Variants in BOK observed in about 807,000 individuals in gnomAD.
BOK encodes the protein BCL2 family apoptosis regulator BOK, also known as bcl-2-related ovarian killer protein.
A neutral mutation model predicts 18.3 loss-of-function variants in BOK; 20 were observed. The ratio of observed to expected loss-of-function variants is 1.09; its 90% CI spans 0.77 to 1.59. The LOEUF (loss-of-function observed/expected upper bound fraction) is 1.59. Ranked by LOEUF, BOK falls within the 40% of genes most tolerant of loss-of-function variation. The pLI is 0.00. For missense variants in BOK, 348 were observed against 307.9 expected (o/e 1.13, Z -0.97); for synonymous variants, 173 against 142.4 (o/e 1.21, Z -1.53).
intron 3 of BOK, among the ~76,000 whole-genome samples, chr2:241,565,029 GGAGGGCT>G (rs980141487): frequency 2.2e-4 from 34 of 152,306 alleles, no homozygotes; most frequent in African/African-American, 7.2e-4. Flanking sequence ...TGGGGGCCAG[GGAGGGCT>G]GAGGGGAAGG....
chr2:241,560,325 T>C, intron 2 of BOK: 1 of 965,474 alleles, frequency 1.0e-6, no homozygotes, highest in South Asian at 4.8e-5. Context: ...TCACCACAGC[T>C]GGGCTGTGGC....
At position 241,561,957 on chromosome 2, in the gene BOK, G is replaced by A. The variant is rs1201117210; in HGVS notation, c.221-391G>A. The stretch of plus-strand genomic sequence containing the variant: ...CTTTCTCTGCCCAGCCCCTCCCCAC[G>A]TCGGGGTCTGGCCGTCTGCCTGGTC... On this transcript the variant is annotated intron_variant, in intron 2 of 4. Coordinates refer to ENST00000318407, the MANE Select transcript of BOK (RefSeq NM_032515.5). Among the ~76,000 whole-genome samples the A allele has an allele frequency of 5.3e-5, 8 of 152,306 alleles. No homozygotes were observed. The South Asian group carries it at 1.2e-3, about 24-fold the overall frequency.
chr2:241,557,308 C>CTT (rs59048690), upstream of BOK, among the ~76,000 whole-genome samples: 43 of 126,742 alleles, frequency 3.4e-4, no homozygotes, highest in African/African-American at 5.0e-4. Context: ...TTTCTTTTTC[C>CTT]TTTTTTTTTT....
intron 3 of BOK, among the ~76,000 whole-genome samples, chr2:241,568,281 C>T (rs981467174): frequency 1.6e-4 from 25 of 152,134 alleles, no homozygotes; most frequent in South Asian, 1.2e-3. Context: ...CCGCCATGCC[C>T]GGCTAATTTT....
At chr2:241,564,773 G>A (rs941437534) in intron 3 of BOK, among the ~76,000 whole-genome samples, 1 of 152,222 alleles carries the variant, frequency 6.6e-6, no homozygotes, top group Non-Finnish European at 1.5e-5. Context: ...GGCCGACGCC[G>A]GCGCGTGGGT....
chr2:241,571,553 C>T (rs184625859), intron 4 of BOK, among the ~76,000 whole-genome samples: 5 of 152,284 alleles, frequency 3.3e-5, no homozygotes, highest in Admixed American at 2.0e-4. Context: ...CCCAAGATGT[C>T]GCACATGGCT....
intron 3 of BOK, among the ~76,000 whole-genome samples, chr2:241,563,317 C>A (rs2066560563): frequency 6.6e-6 from 1 of 152,206 alleles, no homozygotes; most frequent in Non-Finnish European, 1.5e-5. Context: ...AGGTCTGGCC[C>A]TGCAGACCTC....
chr2:241,572,448 C>G lies in BOK; in HGVS notation c.*26C>G. The G allele has an allele frequency of 1.9e-6, 3 of 1,587,362 alleles. No homozygotes were observed. Among genetic ancestry groups the G allele is most frequent in the Non-Finnish European group, 2.6e-6 (3 of 1,174,118 alleles). On this transcript the variant is annotated 3_prime_UTR_variant, in exon 5 of 5. Transcript: ENST00000318407. Reference sequence around the variant, plus strand: ...GCTGCCCACCTGGCAGTGGCCGCAGCCTGGCCCTCTGGGCCCAACGCAGGA... The same window carrying G: ...GCTGCCCACCTGGCAGTGGCCGCAGGCTGGCCCTCTGGGCCCAACGCAGGA...
In BOK at chr2:241,559,570, C is replaced by T; in HGVS notation, c.87C>T (p.Ala29=). The stretch of plus-strand genomic sequence containing the variant: ...CGCCCACAGACAAGGAGCTGGTGGC[C>T]CAGGCCAAGGCGCTGGGCCGGGAGT... ...DRSPTDKELV[A]QAKALGREYV... The change falls in exon 2 of 5, where the codon GCC becomes GCT. Residue 29 remains alanine (A), a synonymous_variant. Coordinates refer to ENST00000318407, the MANE Select transcript of BOK (RefSeq NM_032515.5). The T allele has an allele frequency of 2.6e-6, 4 of 1,526,670 alleles. No individual in the cohort carries two copies. The highest frequency in any genetic ancestry group is 2.7e-5 in the East Asian group (1 of 37,386). 94.6% of individuals were successfully genotyped at this position (1,526,670 alleles called of 1,614,324 possible).
rs771885505 is a variant in BOK, at chr2:241,572,402, G to T, written c.619G>T (p.Val207Leu). ...CCGCTTCCTGAAGGCTGCCTTCTTC[G>T]TGCTGCTGCCAGAGAGATGAGCTGC... ...FGRFLKAAFFVLLPER is the reference protein window; with the variant it reads ...FGRFLKAAFFLLLPER Residue 207 changes from valine (V) to leucine (L), a missense_variant, in exon 5 of 5, where the codon GTG (valine) becomes TTG (leucine). By Grantham distance (32) the Val-to-Leu change is conservative. Transcript: ENST00000318407. 1.2e-6 allele frequency: 2 copies of T among 1,600,214 alleles called. No homozygotes were observed. The highest frequency in any genetic ancestry group is 8.5e-7 in the Non-Finnish European group (1 of 1,178,688).
intron 2 of BOK, chr2:241,560,105 G>C (rs2066504809): frequency 1.0e-6 from 1 of 985,410 alleles, no homozygotes; most frequent in Non-Finnish European, 1.2e-6. Flanking sequence ...CCCGCCCGCT[G>C]CCCTCTGGAT....
rs1399676846 is a variant in BOK at position 241,559,451 on chromosome 2, G to T, written c.-29-4G>T. ...TCCACCCGGCTGAGCGCTTGTGCCC[G>T]CAGGTGCGGCGCCCCCCACCCGCGT... On this transcript the variant is annotated splice_polypyrimidine_tract_variant and splice_region_variant and intron_variant, in intron 1 of 4. Transcript: ENST00000318407. 5 of 1,410,312 alleles carry T rather than the reference G, an allele frequency of 3.5e-6. No individual in the cohort carries two copies. The South Asian group carries it at 7.5e-5, about 21-fold the overall frequency. The allele number at this position is 1,410,312 out of a possible 1,614,324, so 87.4% of individuals were successfully genotyped here. A position where few individuals can be genotyped will look rare whatever the true frequency, so the allele number is the denominator to read the frequency against.
At chr2:241,551,730 G>A (rs943037981) in intron 1 of BOK, among the ~76,000 whole-genome samples, 27 of 152,180 alleles carry the variant, frequency 1.8e-4, no homozygotes, top group African/African-American at 6.0e-4. Context: ...ACCTCAGGGG[G>A]GTCCCTCCGC....
chr2:241,566,895 A>G (rs1228485103), intron 3 of BOK, among the ~76,000 whole-genome samples: 1 of 134,546 alleles, frequency 7.4e-6, no homozygotes, highest in Non-Finnish European at 1.6e-5. Flanking sequence ...TTCTCGTGGG[A>G]TGATGAAAAT....
intron 1 of BOK, 135 bp downstream of exon 1, chr2:241,559,128 G>A (rs1197862716): frequency 1.2e-5 from 2 of 172,988 alleles, no homozygotes; most frequent in African/African-American, 4.7e-5. Context: ...GCCGGGTCCT[G>A]GCAGTCGCCG....
In BOK at chr2:241,568,410, G is replaced by A. The variant is rs1468323768; in HGVS notation, c.350-1715G>A. 7.2e-5 allele frequency among the ~76,000 whole-genome samples: 11 copies of A among 151,876 alleles called. No individual in the cohort carries two copies. The East Asian group carries it at 1.7e-3, about 24-fold the overall frequency. ...GCTGGGATTACAGGCGTGAGCCACCGCGCCCAGCCATTTATTTATTTTTTT... is the reference window on the plus strand; with the variant it reads ...GCTGGGATTACAGGCGTGAGCCACCACGCCCAGCCATTTATTTATTTTTTT... On this transcript the variant is annotated intron_variant, in intron 3 of 4. Coordinates refer to ENST00000318407, the MANE Select transcript of BOK (RefSeq NM_032515.5).
At chr2:241,556,381 G>A (rs1017815223), upstream of BOK, among the ~76,000 whole-genome samples, 7 of 152,090 alleles carry the variant, frequency 4.6e-5, no homozygotes, top group Admixed American at 3.9e-4. Context: ...TCAAGAGATC[G>A]AGACCATCCT....
intron 4 of BOK, among the ~76,000 whole-genome samples, chr2:241,571,837 C>G (rs1243939240): frequency 6.6e-6 from 1 of 152,248 alleles, no homozygotes; most frequent in Admixed American, 6.5e-5. Flanking sequence ...GCTGTTGTTC[C>G]AGGCAGAGTC....
In BOK at chr2:241,558,922, G is replaced by A. The variant is rs2066478879; in HGVS notation, c.-101G>A. The A allele has an allele frequency of 1.3e-5, 2 of 151,870 alleles. No individual in the cohort carries two copies. Among genetic ancestry groups the A allele is most frequent in the Admixed American group, 6.6e-5 (1 of 15,238 alleles). The allele number at this position is 151,870 out of a possible 1,614,324, so 9.4% of individuals were successfully genotyped here. The stretch of plus-strand genomic sequence containing the variant: ...TCGCGGGTCTGAATGGAAGGGTCGA[G>A]GTCGTCGTCGGCGGCGAGCAGATCC... On this transcript the variant is annotated 5_prime_UTR_variant, in exon 1 of 5. Transcript: ENST00000318407.
Sources: gnomAD v4.1 joint callset for allele counts (sites outside exome capture counted in the v4.1 genomes callset) on GRCh38, gnomAD v4.1.1 for gene constraint, MANE v1.5 for transcripts, NCBI Gene and HGNC (gene_info 2026-07-23, HGNC 2026-07-21) for gene names.